The following PLCB1 variants were observed in gnomAD, a reference collection of about 807,000 sequenced individuals.
PLCB1 encodes 1-phosphatidylinositol 4,5-bisphosphate phosphodiesterase beta-1.
PLCB1 carries 46 observed loss-of-function variants against 161.8 expected under a neutral mutation model. That is an observed-to-expected ratio of 0.28 (90% CI 0.22 to 0.36). PLCB1 has a LOEUF of 0.36. Among genes scored for constraint, PLCB1 ranks in the 10% least tolerant of loss-of-function variants. The pLI is 1.00. For synonymous variants in PLCB1, 517 were observed against 503.7 expected (o/e 1.03, Z -0.35); for missense variants, 1,016 against 1,472.5 (o/e 0.69, Z 5.07).
At chr20:8,682,146 GAGAT>G (rs1414150904) in intron 9 of PLCB1, among the ~76,000 whole-genome samples, 4 of 152,150 alleles carry the variant, frequency 2.6e-5, no homozygotes, top group African/African-American at 2.4e-5. Context: ...GAAAGGAAAA[GAGAT>G]AGGGGAGAAG....
chr20:8,781,601 G>A (rs770214987), intron 27 of PLCB1, among the ~76,000 whole-genome samples: 30 of 151,940 alleles, frequency 2.0e-4, no homozygotes, highest in African/African-American at 6.5e-4. Flanking sequence ...TTCCCTACTC[G>A]AGGTGGTGTA....
At chr20:8,224,564 C>T (rs1979577363) in intron 2 of PLCB1, among the ~76,000 whole-genome samples, 1 of 151,922 alleles carries the variant, frequency 6.6e-6, no homozygotes, top group South Asian at 2.1e-4. Context: ...GTAATAGACA[C>T]CTATGTAATC....
At chr20:8,191,218 A>G (rs1305829628) in intron 2 of PLCB1, among the ~76,000 whole-genome samples, 1 of 151,980 alleles carries the variant, frequency 6.6e-6, no homozygotes, top group Non-Finnish European at 1.5e-5. Flanking sequence ...CGGGCATACA[A>G]TGCGTAATGA....
intron 3 of PLCB1, among the ~76,000 whole-genome samples, chr20:8,624,861 A>G (rs546577149): frequency 1.2e-4 from 18 of 152,318 alleles, no homozygotes; most frequent in Non-Finnish European, 2.2e-4. Flanking sequence ...GTGGAATTCA[A>G]TTATAGCTGC....
chr20:8,372,443 T>C (rs964052218), intron 3 of PLCB1, among the ~76,000 whole-genome samples: 1 of 152,234 alleles, frequency 6.6e-6, no homozygotes, highest in African/African-American at 2.4e-5. Context: ...ACACGGCTGC[T>C]GGGTTTTTTA....
At chr20:8,789,661 A>C in intron 30 of PLCB1, 86 bp downstream of exon 30, 14 of 1,010,920 alleles carry the variant, frequency 1.4e-5, no homozygotes, top group Non-Finnish European at 2.2e-5. Flanking sequence ...AGGAAATGTC[A>C]TGCCTTGCCA....
intron 2 of PLCB1, among the ~76,000 whole-genome samples, chr20:8,260,246 T>C (rs1290232358): frequency 7.3e-6 from 1 of 136,658 alleles, no homozygotes; most frequent in Non-Finnish European, 1.6e-5. Context: ...GCACCCAGCA[T>C]TTTTTTTTTT....
At chr20:8,322,047 G>A (rs1056738656) in intron 2 of PLCB1, among the ~76,000 whole-genome samples, 3 of 152,198 alleles carry the variant, frequency 2.0e-5, no homozygotes, top group Non-Finnish European at 4.4e-5. Flanking sequence ...TCAGGTTTTA[G>A]TAGGGGCGGA....
At chr20:8,374,441 T>A (rs708927) in intron 3 of PLCB1, among the ~76,000 whole-genome samples, 73,624 of 151,786 alleles carry the variant, frequency 0.49, 18,008 homozygotes, top group Middle Eastern at 0.59. Context: ...GAACGGACTA[T>A]TACCGGGTCC....
intron 3 of PLCB1, among the ~76,000 whole-genome samples, chr20:8,375,831 T>C (rs920154258): frequency 1.3e-5 from 2 of 151,682 alleles, no homozygotes; most frequent in African/African-American, 2.4e-5. Context: ...AGCTTTTAAA[T>C]TGAGAAGTTA....
chr20:8,733,461 T>G, intron 19 of PLCB1, 69 bp downstream of exon 19: 1 of 1,328,574 alleles, frequency 7.5e-7, no homozygotes, highest in Non-Finnish European at 1.1e-6. Context: ...CATAAAGAAG[T>G]GGCTTAGTCA....
chr20:8,145,695 G>A (rs558185812), intron 1 of PLCB1, among the ~76,000 whole-genome samples: 1 of 152,188 alleles, frequency 6.6e-6, no homozygotes, highest in African/African-American at 2.4e-5. Flanking sequence ...CCCTGTGAAG[G>A]TTTGGAGTTG....
chr20:8,604,934 G>A (rs2123153535), intron 3 of PLCB1, among the ~76,000 whole-genome samples: 1 of 152,038 alleles, frequency 6.6e-6, no homozygotes, highest in African/African-American at 2.4e-5. Flanking sequence ...AAATATCACT[G>A]GGGATTTTTT....
chr20:8,326,104 C>G (rs184202598), intron 2 of PLCB1, among the ~76,000 whole-genome samples: 77 of 152,232 alleles, frequency 5.1e-4, no homozygotes, highest in African/African-American at 1.7e-3. Context: ...ATATTTTGCT[C>G]TCTGTTAAGT....
Position 8,780,707 on chromosome 20 carries a change from A to G in PLCB1, c.3111+5988A>G, listed in dbSNP as rs1983174358. ...CTGGGCAGATACAGATCAGCTATGA[A>G]TGGACGAGCCCACCAGGACAAGCAA... On this transcript the variant is annotated intron_variant, in intron 27 of 31. Transcript: ENST00000338037. 1.3e-5 allele frequency among the ~76,000 whole-genome samples: 2 copies of G among 152,160 alleles called. 1 individual carries two copies. Among genetic ancestry groups the G allele is most frequent in the Admixed American group, 1.3e-4 (2 of 15,264 alleles).
intron 9 of PLCB1, among the ~76,000 whole-genome samples, chr20:8,684,041 A>C (rs547637614): frequency 1.3e-5 from 2 of 149,930 alleles, no homozygotes; most frequent in African/African-American, 2.5e-5. Flanking sequence ...CCGCCACCAC[A>C]CCCGGCTAAT....
chr20:8,161,990 A>G (rs188149959), intron 2 of PLCB1, among the ~76,000 whole-genome samples: 2 of 152,292 alleles, frequency 1.3e-5, no homozygotes, highest in East Asian at 3.9e-4. Context: ...CAGATTCTGA[A>G]TTATTTGACT....
chr20:8,481,953 C>A (rs4342008), intron 3 of PLCB1, among the ~76,000 whole-genome samples: 73,674 of 151,558 alleles, frequency 0.49, 18,897 homozygotes, highest in East Asian at 0.66. Context: ...TTTCAGGATT[C>A]GAATAAAATA....
chr20:8,469,805 C>T (rs1371281367), intron 3 of PLCB1, among the ~76,000 whole-genome samples: 4 of 152,268 alleles, frequency 2.6e-5, no homozygotes, highest in Non-Finnish European at 5.9e-5. Context: ...ACAATTCACT[C>T]ATATAAAGTG....
Sources: gnomAD v4.1 joint callset for allele counts (sites outside exome capture counted in the v4.1 genomes callset) on GRCh38, gnomAD v4.1.1 for gene constraint, MANE v1.5 for transcripts, NCBI Gene and HGNC (gene_info 2026-07-23, HGNC 2026-07-21) for gene names.